Variants in SOX5 observed in about 807,000 individuals in gnomAD.
The protein encoded by SOX5 is transcription factor SOX-5.
SOX5 carries 9 observed loss-of-function variants against 92.0 expected under a neutral mutation model. That is an observed-to-expected ratio of 0.10 (90% confidence interval 0.06 to 0.17). The LOEUF is 0.17. Among genes scored for constraint, SOX5 ranks in the 10% least tolerant of loss-of-function variants. The probability of loss-of-function intolerance (pLI) is 1.00; values close to 1 mark genes in which losing one functional copy is unlikely to be tolerated. For synonymous variants in SOX5, 344 were observed against 336.3 expected (o/e 1.02, Z -0.25); for missense variants, 642 against 944.5 (o/e 0.68, Z 4.20).
chr12:24,444,563 C>T (rs144229033), intron 1 of SOX5, among the ~76,000 whole-genome samples: 7 of 152,256 alleles, frequency 4.6e-5, no homozygotes, highest in African/African-American at 1.4e-4. Context: ...GTGTTGTCCA[C>T]ACAACCAAAG....
intron 2 of SOX5, among the ~76,000 whole-genome samples, chr12:24,346,151 G>A (rs1171215786): frequency 6.6e-6 from 1 of 152,172 alleles, no homozygotes; most frequent in Non-Finnish European, 1.5e-5. Context: ...TTATTGAAAT[G>A]CGGGAAAACG....
chr12:24,164,626 T>G (rs1953171166), intron 4 of SOX5, among the ~76,000 whole-genome samples: 1 of 152,094 alleles, frequency 6.6e-6, no homozygotes, highest in Non-Finnish European at 1.5e-5. Context: ...GAGCTAATTA[T>G]CAAGTCACTA....
At chr12:24,230,450 G>T (rs902881882) in intron 3 of SOX5, 1 of 152,162 alleles carries the variant, frequency 6.6e-6, no homozygotes, top group Non-Finnish European at 1.5e-5. Flanking sequence ...CGTGGTTCCT[G>T]TCTACTTTTA....
At chr12:24,269,444 T>A (rs1943413249) in intron 3 of SOX5, among the ~76,000 whole-genome samples, 1 of 152,208 alleles carries the variant, frequency 6.6e-6, no homozygotes, top group South Asian at 2.1e-4. Flanking sequence ...AAATCTTGGA[T>A]TTAAATACCT....
At chr12:24,014,421 T>C (rs1443485269) in intron 4 of SOX5, among the ~76,000 whole-genome samples, 2 of 152,198 alleles carry the variant, frequency 1.3e-5, no homozygotes, top group African/African-American at 2.4e-5. Flanking sequence ...CCTTTTAGCC[T>C]CTTTCAGTTC....
At chr12:23,539,598 T>C (rs2135950768) in intron 13 of SOX5, among the ~76,000 whole-genome samples, 1 of 103,586 alleles carries the variant, frequency 9.7e-6, no homozygotes, top group South Asian at 4.2e-4. Flanking sequence ...AGAAAGCTGG[T>C]CTGGCTTAAA....
chr12:23,578,585 A>G (rs1949599134), intron 9 of SOX5, among the ~76,000 whole-genome samples: 2 of 152,162 alleles, frequency 1.3e-5, no homozygotes, highest in South Asian at 4.1e-4. Context: ...TTAAAATATA[A>G]TTGGGACATA....
intron 6 of SOX5, among the ~76,000 whole-genome samples, chr12:23,720,628 A>G (rs1444813965): frequency 6.6e-6 from 1 of 152,228 alleles, no homozygotes; most frequent in Non-Finnish European, 1.5e-5. Context: ...AAAAATACAG[A>G]GACTATTATG....
At chr12:24,198,202 A>T (rs541012388) in intron 4 of SOX5, among the ~76,000 whole-genome samples, 4 of 152,300 alleles carry the variant, frequency 2.6e-5, no homozygotes, top group East Asian at 3.9e-4. Context: ...CTATTACCAC[A>T]ATCGCTATCC....
rs191721242 is a variant in SOX5 at position 24,351,209 on chromosome 12, A to G, written c.-174+17354T>C. On this transcript the variant is annotated intron_variant, in intron 2 of 4. Coordinates refer to the SOX5 transcript ENST00000446891. ...ACATACCATCTATCTACTGTCTTGT[A>G]GAGTATCTAGATTAAATTAAAATTT... is the stretch of plus-strand genomic sequence containing the variant. Among the ~76,000 whole-genome samples, 1,465 of 152,294 alleles carry G rather than the reference A, an allele frequency of 9.6e-3. 22 individuals carry two copies. The highest frequency in any genetic ancestry group is 0.034 in the African/African-American group (1,411 of 41,552).
intron 4 of SOX5, among the ~76,000 whole-genome samples, chr12:24,200,340 TGATTA>T (rs911275150): frequency 6.6e-6 from 1 of 152,202 alleles, no homozygotes; most frequent in African/African-American, 2.4e-5. Flanking sequence ...CAATCATTGG[TGATTA>T]GATTAAATTT....
chr12:24,199,501 A>G (rs563228622), intron 4 of SOX5, among the ~76,000 whole-genome samples: 126 of 152,326 alleles, frequency 8.3e-4, no homozygotes, highest in African/African-American at 3.0e-3. Flanking sequence ...TCTAACCTCA[A>G]CATCCAATCA....
At chr12:24,180,943 A>T (rs571611891) in intron 4 of SOX5, among the ~76,000 whole-genome samples, 20 of 152,264 alleles carry the variant, frequency 1.3e-4, no homozygotes, top group African/African-American at 4.8e-4. Context: ...TTCGTCTCAG[A>T]TCTCCTATGC....
At chr12:23,608,210 T>A (rs1003085744) in intron 8 of SOX5, among the ~76,000 whole-genome samples, 1 of 140,064 alleles carries the variant, frequency 7.1e-6, no homozygotes, top group East Asian at 2.5e-4. Flanking sequence ...CCTCGCAGAA[T>A]AACAGAATAA....
chr12:24,344,432 C>T (rs1428339511), intron 2 of SOX5, among the ~76,000 whole-genome samples: 1 of 151,888 alleles, frequency 6.6e-6, no homozygotes, highest in African/African-American at 2.4e-5. Flanking sequence ...GGAACAACGT[C>T]GGGGAGAAGC....
At chr12:23,869,203 G>C (rs2096847124) in intron 2 of SOX5, among the ~76,000 whole-genome samples, 1 of 152,014 alleles carries the variant, frequency 6.6e-6, no homozygotes, top group African/African-American at 2.4e-5. Context: ...TAGATTCCTT[G>C]AAAGTACACT....
At chr12:23,950,955 T>C (rs1362512796), upstream of SOX5, 4 of 1,260,696 alleles carry the variant, frequency 3.2e-6, no homozygotes, top group Non-Finnish European at 4.5e-6. Flanking sequence ...CAGGAGATAG[T>C]GTGCATTCTT....
intron 1 of SOX5, among the ~76,000 whole-genome samples, chr12:24,381,013 G>T (rs1034370880): frequency 6.6e-6 from 1 of 152,188 alleles, no homozygotes; most frequent in African/African-American, 2.4e-5. Context: ...TTGCACTACT[G>T]TAATCCTTAC....
intron 10 of SOX5, among the ~76,000 whole-genome samples, chr12:23,571,722 A>C (rs916857354): frequency 2.0e-5 from 3 of 152,184 alleles, no homozygotes; most frequent in Admixed American, 1.3e-4. Flanking sequence ...ATTAAAGCTG[A>C]GGTAATAAAT....
Sources: allele counts gnomAD v4.1 joint callset (sites outside exome capture counted in the v4.1 genomes callset), GRCh38; gene constraint gnomAD v4.1.1; transcripts MANE v1.5; gene names NCBI Gene and HGNC (gene_info 2026-07-23, HGNC 2026-07-21).